The following GPBAR1 variants were observed in gnomAD, a reference collection of about 807,000 sequenced individuals.
The protein encoded by GPBAR1 is G-protein coupled bile acid receptor 1.
Under a neutral mutation model 13.0 loss-of-function variants are expected in GPBAR1, and 13 were observed. The observed-to-expected ratio is 1.00, with a 90% CI of 0.65 to 1.59. GPBAR1 has a LOEUF of 1.59. GPBAR1 is among the 40% of genes most tolerant of loss of function. The pLI is 0.00. For missense variants in GPBAR1, 398 were observed against 436.4 expected (o/e 0.91, Z 0.78); for synonymous variants, 193 against 205.2 (o/e 0.94, Z 0.51).
At chr2:218,259,841 G>A (rs1056170116), upstream of GPBAR1, 1 of 152,248 alleles carries the variant, frequency 6.6e-6, no homozygotes, top group African/African-American at 2.4e-5. Context: ...AGGCCTTAAG[G>A]GAGTGTGGCT....
chr2:218,261,613 G>A (rs1466362028), intron 1 of GPBAR1, among the ~76,000 whole-genome samples: 1 of 152,116 alleles, frequency 6.6e-6, no homozygotes, highest in Non-Finnish European at 1.5e-5. Flanking sequence ...TAAGGCCTTG[G>A]AGGCCCAGGC....
At position 218,262,805 on chromosome 2, in the gene GPBAR1, CA is replaced by C; in HGVS notation, c.82del (p.Ile28SerfsTer8). 1 of 1,613,332 alleles carries C rather than the reference CA, an allele frequency of 6.2e-7. No individual in the cohort carries two copies. Among genetic ancestry groups the C allele is most frequent in the Non-Finnish European group, 8.5e-7 (1 of 1,179,682 alleles). ...GGCTCTCCCTGGCCCTGGCAAGCCTCATCATCACCGCGAACCTGCTCCTAGC... is the reference window on the plus strand; with the variant it reads ...GGCTCTCCCTGGCCCTGGCAAGCCTCTCATCACCGCGAACCTGCTCCTAGC... ...LGLSLALASL[I>X]ITANLLLALG... is the part of the protein sequence containing the mutation. On this transcript the variant is annotated frameshift_variant, in exon 2 of 2. Coordinates refer to ENST00000519574, the MANE Select transcript of GPBAR1 (RefSeq NM_170699.3). LOFTEE classifies it high-confidence loss of function. The surrounding 1 kb of genome is among the most constrained non-coding windows in gnomAD (Gnocchi z 5.1).
chr2:218,263,365 T>C lies in GPBAR1; in HGVS notation c.641T>C (p.Leu214Pro). 1 of 1,598,310 alleles carries C rather than the reference T, an allele frequency of 6.3e-7. No individual in the cohort carries two copies. The highest frequency in any genetic ancestry group is 8.5e-7 in the Non-Finnish European group (1 of 1,174,330). Reference sequence around the variant, plus strand: ...GTGTGCCGCGATGAGCCCTCCGCCCTGGCCCGGGCCCTTACCTGGAGGCAG... The same window carrying C: ...GTGTGCCGCGATGAGCCCTCCGCCCCGGCCCGGGCCCTTACCTGGAGGCAG... ...RAVCRDEPSA[L>P]ARALTWRQAR... The change falls in exon 2 of 2, where the codon CTG (leucine) becomes CCG (proline). Residue 214 changes from leucine (L) to proline (P), a missense_variant. Coordinates refer to ENST00000519574, the MANE Select transcript of GPBAR1 (RefSeq NM_170699.3). This position sits in a 1 kb window ranked among gnomAD's most constrained non-coding sequence, Gnocchi z 4.2.
upstream of GPBAR1, chr2:218,260,128 G>A (rs1169617494): frequency 6.6e-6 from 1 of 152,256 alleles, no homozygotes; most frequent in Non-Finnish European, 1.5e-5. Flanking sequence ...GAGTGCTGAA[G>A]GGCCAAGTGT....
rs1335615454 is a variant in GPBAR1 at position 218,263,683 on chromosome 2, G to A, written c.959G>A (p.Ser320Asn). Residue 320 changes from serine (S) to asparagine (N), a missense_variant, in exon 2 of 2, where the codon AGC (serine) becomes AAC (asparagine). Physicochemically the swap from Ser to Asn is conservative, Grantham distance 46. Coordinates refer to ENST00000519574, the MANE Select transcript of GPBAR1 (RefSeq NM_170699.3). This position sits in a 1 kb window ranked among gnomAD's most constrained non-coding sequence, Gnocchi z 4.2. ...GGCCCCAGCATTGCCTACCACCCAA[G>A]CAGCCAAAGCAGTGTCGACCTGGAC... ...SPGPSIAYHP[S>N]SQSSVDLDLN 4.3e-6 allele frequency: 7 copies of A among 1,612,792 alleles called. No homozygotes were observed. Among genetic ancestry groups the A allele is most frequent in the Non-Finnish European group, 5.9e-6 (7 of 1,179,884 alleles).
In GPBAR1 at chr2:218,263,153, T is replaced by A; in HGVS notation, c.429T>A (p.Ala143=). 6.2e-7 allele frequency: 1 copy of A among 1,611,590 alleles called. No individual in the cohort carries two copies. The highest frequency in any genetic ancestry group is 8.5e-7 in the Non-Finnish European group (1 of 1,179,852). Residue 143 remains alanine (A), a synonymous_variant, in exon 2 of 2, where the codon GCT becomes GCA. Transcript: ENST00000519574. The surrounding 1 kb of genome is among the most constrained non-coding windows in gnomAD (Gnocchi z 4.2). ...CCCTGCTCTTTGCCAGTCTGCCCGC[T>A]CTGGGGTGGAACCACTGGACCCCTG... ...AGPLLFASLP[A]LGWNHWTPGA... is the part of the protein sequence containing the mutation.
At position 218,263,476 on chromosome 2, in the gene GPBAR1, A is replaced by G. The variant is rs1196881783; in HGVS notation, c.752A>G (p.Tyr251Cys). The change falls in exon 2 of 2, where the codon TAT becomes TGT. Residue 251 changes from tyrosine (Y) to cysteine (C), a missense_variant. By Grantham distance (194) the Tyr-to-Cys change is radical (BLOSUM62 -2). Coordinates refer to ENST00000519574, the MANE Select transcript of GPBAR1 (RefSeq NM_170699.3). The surrounding 1 kb of genome is among the most constrained non-coding windows in gnomAD (Gnocchi z 4.2). ...VATLLLSVLA[Y>C]EQRPPLGPGT... ...ACACTGCTCCTCTCAGTCCTGGCCT[A>G]TGAGCAGCGCCCGCCACTGGGGCCT... 6.2e-7 allele frequency: 1 copy of G among 1,606,686 alleles called. No individual in the cohort carries two copies.
At position 218,263,284 on chromosome 2, in the gene GPBAR1, G is replaced by C; in HGVS notation, c.560G>C (p.Arg187Pro). Residue 187 changes from arginine to proline, a missense_variant, in exon 2 of 2, where the codon CGC (arginine) becomes CCC (proline). Physicochemically the swap from Arg to Pro is moderately radical, Grantham distance 103 (BLOSUM62 -2). Transcript: ENST00000519574. This position sits in a 1 kb window ranked among gnomAD's most constrained non-coding sequence, Gnocchi z 4.2. Reference sequence around the variant, plus strand: ...GGTGCTGCTGCCTTCCTCTCTGTCCGCGTGCTGGCCACTGCCCACCGCCAG... The same window carrying C: ...GGTGCTGCTGCCTTCCTCTCTGTCCCCGTGCTGGCCACTGCCCACCGCCAG... ...AVGAAAFLSVRVLATAHRQLQ... is the reference protein window; with the variant it reads ...AVGAAAFLSVPVLATAHRQLQ... The C allele has an allele frequency of 1.9e-6, 3 of 1,607,042 alleles. No homozygotes were observed. The highest frequency in any genetic ancestry group is 2.5e-6 in the Non-Finnish European group (3 of 1,179,732).
At position 218,262,268 on chromosome 2, in the gene GPBAR1, C is replaced by G. The variant is rs943031530; in HGVS notation, c.-45-412C>G. 6.1e-6 allele frequency: 1 copy of G among 164,058 alleles called. No homozygotes were observed. The highest frequency in any genetic ancestry group is 2.4e-5 in the African/African-American group (1 of 41,590). The allele number at this position is 164,058 out of a possible 1,614,324, so 10.2% of individuals were successfully genotyped here. On this transcript the variant is annotated intron_variant, in intron 1 of 1. Transcript: ENST00000519574. This position sits in a 1 kb window ranked among gnomAD's most constrained non-coding sequence, Gnocchi z 5.1. ...ACACACCAGCCAGCCCTGGTCCATT[C>G]TCTCATTTAGAGGCCTCCCCGGTGG...
At position 218,262,821 on chromosome 2, in the gene GPBAR1, C is replaced by T; in HGVS notation, c.97C>T (p.Leu33=). The T allele has an allele frequency of 1.9e-6, 3 of 1,613,608 alleles. No individual in the cohort carries two copies. Among genetic ancestry groups the T allele is most frequent in the East Asian group, 2.2e-5 (1 of 44,860 alleles). ...ALASLIITAN[L]LLALGIAWDR... is the part of the protein sequence containing the mutation. ...GGCAAGCCTCATCATCACCGCGAAC[C>T]TGCTCCTAGCCCTGGGCATCGCCTG... Residue 33 remains leucine (L), a synonymous_variant, in exon 2 of 2, where the codon CTG becomes TTG. Transcript: ENST00000519574. The surrounding 1 kb of genome is among the most constrained non-coding windows in gnomAD (Gnocchi z 5.1).
upstream of GPBAR1, among the ~76,000 whole-genome samples, chr2:218,260,724 G>A (rs551613641): frequency 2.0e-5 from 3 of 152,330 alleles, no homozygotes; most frequent in South Asian, 6.2e-4. Context: ...AGGGAGCCTG[G>A]TGTGCTGTCA....
chr2:218,263,219 C>G lies in GPBAR1; in HGVS notation c.495C>G (p.Tyr165Ter), dbSNP rs767252891. 6.2e-7 allele frequency: 1 copy of G among 1,608,562 alleles called. No individual in the cohort carries two copies. The highest frequency in any genetic ancestry group is 1.1e-5 in the South Asian group (1 of 91,088). ...CCCAGGCTATCTTCCCAGCCCCCTA[C>G]CTGTACCTCGAAGTCTATGGGCTCC... ...CSSQAIFPAP[Y>*]LYLEVYGLLL... is the part of the protein sequence containing the mutation. Residue 165 changes from tyrosine to a stop codon, truncating the protein, a stop_gained, in exon 2 of 2, where the codon TAC becomes TAG. Coordinates refer to ENST00000519574, the MANE Select transcript of GPBAR1 (RefSeq NM_170699.3). LOFTEE classifies it high-confidence loss of function. This position sits in a 1 kb window ranked among gnomAD's most constrained non-coding sequence, Gnocchi z 4.2.
chr2:218,263,269 C>A lies in GPBAR1; in HGVS notation c.545C>A (p.Ala182Asp). The A allele has an allele frequency of 3.1e-6, 5 of 1,607,720 alleles. No individual in the cohort carries two copies. Among genetic ancestry groups the A allele is most frequent in the Non-Finnish European group, 4.2e-6 (5 of 1,179,818 alleles). The stretch of plus-strand genomic sequence containing the variant: ...CTGCTGCCCGCCGTGGGTGCTGCTG[C>A]CTTCCTCTCTGTCCGCGTGCTGGCC... ...GLLLPAVGAAAFLSVRVLATA... is the reference protein window; with the variant it reads ...GLLLPAVGAADFLSVRVLATA... Residue 182 changes from alanine to aspartate, a missense_variant, in exon 2 of 2, where the codon GCC becomes GAC. By Grantham distance (126) the Ala-to-Asp change is moderately radical (BLOSUM62 -2). Coordinates refer to ENST00000519574, the MANE Select transcript of GPBAR1 (RefSeq NM_170699.3). This position sits in a 1 kb window ranked among gnomAD's most constrained non-coding sequence, Gnocchi z 4.2.
chr2:218,261,533 C>T (rs914101802), intron 1 of GPBAR1, among the ~76,000 whole-genome samples: 1 of 152,126 alleles, frequency 6.6e-6, no homozygotes, highest in South Asian at 2.1e-4. Context: ...GAGGAAAAGA[C>T]ATCCTGGGTG....
chr2:218,261,199 C>G lies in GPBAR1; in HGVS notation c.-63C>G, dbSNP rs1690404217. 6.6e-6 allele frequency: 1 copy of G among 152,450 alleles called. No individual in the cohort carries two copies. Among genetic ancestry groups the G allele is most frequent in the Admixed American group, 6.5e-5 (1 of 15,292 alleles). 9.4% of individuals were successfully genotyped at this position (152,450 alleles called of 1,614,324 possible). A position where few individuals can be genotyped will look rare whatever the true frequency, so the allele number is the denominator to read the frequency against. On this transcript the variant is annotated 5_prime_UTR_variant, in exon 1 of 2. Coordinates refer to ENST00000519574, the MANE Select transcript of GPBAR1 (RefSeq NM_170699.3). ...GAAGGCCCAGGCTGGGCAGGCAATA[C>G]CTGCTCCCAACAGCCATGTGAGTAG...
Position 218,263,780 on chromosome 2 carries a change from T to C in GPBAR1, c.*63T>C. The C allele has an allele frequency of 6.3e-7, 1 of 1,594,104 alleles. No homozygotes were observed. The highest frequency in any genetic ancestry group is 1.1e-5 in the South Asian group (1 of 90,714). On this transcript the variant is annotated 3_prime_UTR_variant, in exon 2 of 2. Transcript: ENST00000519574. The surrounding 1 kb of genome is among the most constrained non-coding windows in gnomAD (Gnocchi z 4.2). ...CCAGCTCAGCCATCCAGCCTGTCTC[T>C]ACCGGGCCCCACTTCTCTGGATCAG... is the stretch of plus-strand genomic sequence containing the variant.
In GPBAR1 at chr2:218,263,037, C is replaced by T. The variant is rs1343772710; in HGVS notation, c.313C>T (p.Leu105=). Residue 105 remains leucine (L), a synonymous_variant, in exon 2 of 2, where the codon CTG becomes TTG. Transcript: ENST00000519574. This position sits in a 1 kb window ranked among gnomAD's most constrained non-coding sequence, Gnocchi z 4.2. ...CCTCTCCCTGCTTGCCAACCTCTTG[C>T]TGGTGCACGGGGAGCGCTACATGGC... The part of the protein sequence containing the change: ...SFLSLLANLL[L]VHGERYMAVL... 5 of 1,613,766 alleles carry T rather than the reference C, an allele frequency of 3.1e-6. No individual in the cohort carries two copies. The East Asian group carries it at 8.9e-5, about 29-fold the overall frequency.
In GPBAR1 at chr2:218,263,774, T is replaced by C; in HGVS notation, c.*57T>C. 4 of 1,602,944 alleles carry C rather than the reference T, an allele frequency of 2.5e-6. No homozygotes were observed. The highest frequency in any genetic ancestry group is 3.4e-6 in the Non-Finnish European group (4 of 1,170,786). ...ATCCGTCCAGCTCAGCCATCCAGCCTGTCTCTACCGGGCCCCACTTCTCTG... is the reference window on the plus strand; with the variant it reads ...ATCCGTCCAGCTCAGCCATCCAGCCCGTCTCTACCGGGCCCCACTTCTCTG... On this transcript the variant is annotated 3_prime_UTR_variant, in exon 2 of 2. Coordinates refer to ENST00000519574, the MANE Select transcript of GPBAR1 (RefSeq NM_170699.3). The surrounding 1 kb of genome is among the most constrained non-coding windows in gnomAD (Gnocchi z 4.2).
chr2:218,263,639 A>C lies in GPBAR1; in HGVS notation c.915A>C (p.Arg305Ser). The change falls in exon 2 of 2, where the codon AGA (arginine) becomes AGC (serine). Residue 305 changes from arginine to serine, a missense_variant. Transcript: ENST00000519574. The surrounding 1 kb of genome is among the most constrained non-coding windows in gnomAD (Gnocchi z 4.2). ...AQRCLQGLWG[R>S]ASRDSPGPSI... The stretch of plus-strand genomic sequence containing the variant: ...GGTGCCTGCAGGGGCTGTGGGGAAG[A>C]GCCTCCCGGGACAGTCCCGGCCCCA... 1 of 1,612,844 alleles carries C rather than the reference A, an allele frequency of 6.2e-7. No homozygotes were observed. Among genetic ancestry groups the C allele is most frequent in the Non-Finnish European group, 8.5e-7 (1 of 1,179,838 alleles).
Sources: allele counts gnomAD v4.1 joint callset (sites outside exome capture counted in the v4.1 genomes callset), GRCh38; gene constraint gnomAD v4.1.1; non-coding constraint Gnocchi (gnomAD v3.1); transcripts MANE v1.5; gene names NCBI Gene and HGNC (gene_info 2026-07-23, HGNC 2026-07-21).